The following POU6F2 variants were observed in gnomAD, a reference collection of about 807,000 sequenced individuals.
POU6F2 encodes POU domain, class 6, transcription factor 2.
A neutral mutation model predicts 71.3 loss-of-function variants in POU6F2; 31 were observed. That is an observed-to-expected ratio of 0.43 (90% confidence interval 0.33 to 0.59). POU6F2 has a LOEUF of 0.59. Ranked by LOEUF, POU6F2 falls within the 20% of genes least tolerant of loss-of-function variation. POU6F2 has a pLI of 0.04. For missense variants in POU6F2, 783 were observed against 856.8 expected (o/e 0.91, Z 1.07); for synonymous variants, 347 against 355.7 (o/e 0.98, Z 0.27).
chr7:39,094,454 A>T (rs1419818279), intron 2 of POU6F2, among the ~76,000 whole-genome samples: 1 of 152,062 alleles, frequency 6.6e-6, no homozygotes, highest in African/African-American at 2.4e-5. Flanking sequence ...ATAGTTATTA[A>T]GCACAATTTT....
intron 2 of POU6F2, among the ~76,000 whole-genome samples, chr7:39,194,466 C>A (rs577654602): frequency 6.6e-6 from 1 of 152,164 alleles, no homozygotes; most frequent in Non-Finnish European, 1.5e-5. Flanking sequence ...ATGCACCAAT[C>A]AGCGCTCTGT....
intron 4 of POU6F2, among the ~76,000 whole-genome samples, chr7:39,271,741 T>A (rs934205985): frequency 6.6e-6 from 1 of 152,134 alleles, no homozygotes; most frequent in African/African-American, 2.4e-5. Context: ...AAACATTATC[T>A]CTGCCAGGAG....
chr7:39,228,345 C>T (rs1794511284), intron 4 of POU6F2, among the ~76,000 whole-genome samples: 1 of 152,148 alleles, frequency 6.6e-6, no homozygotes, highest in Admixed American at 6.5e-5. Flanking sequence ...GGCCTATTGA[C>T]GCCATCCTTT....
At chr7:39,079,600 C>T (rs914581105) in intron 1 of POU6F2, among the ~76,000 whole-genome samples, 6 of 152,102 alleles carry the variant, frequency 3.9e-5, no homozygotes, top group Admixed American at 1.3e-4. Context: ...CCATGGGGTC[C>T]CCTCTTTAGT....
intron 2 of POU6F2, among the ~76,000 whole-genome samples, chr7:39,185,209 G>A (rs1202756841): frequency 1.3e-5 from 2 of 152,054 alleles, no homozygotes; most frequent in Non-Finnish European, 2.9e-5. Context: ...GATGGGTGGC[G>A]GGATGGGGGA....
intron 7 of POU6F2, 81 bp downstream of exon 7, chr7:39,433,364 A>C (rs542085784): frequency 6.7e-7 from 1 of 1,493,194 alleles, no homozygotes; most frequent in East Asian, 2.3e-5. Flanking sequence ...AATCAATGAA[A>C]AGTAACTTTT....
At chr7:38,981,739 T>A (rs1788321457) in intron 1 of POU6F2, among the ~76,000 whole-genome samples, 1 of 152,200 alleles carries the variant, frequency 6.6e-6, no homozygotes, top group Non-Finnish European at 1.5e-5. Flanking sequence ...CCCTTACTGG[T>A]ACAATGGGTC....
intron 7 of POU6F2, among the ~76,000 whole-genome samples, chr7:39,443,345 G>GGTAT: frequency 6.6e-6 from 1 of 152,300 alleles, no homozygotes; most frequent in South Asian, 2.1e-4. Flanking sequence ...GCACCTCTCA[G>GGTAT]GTATGTGCAC....
chr7:39,297,196 T>TACACACACACAC lies in POU6F2; in HGVS notation c.599-42416_599-42405dup, dbSNP rs61192418. On this transcript the variant is annotated intron_variant, in intron 4 of 9. Transcript: ENST00000518318. Reference sequence around the variant, plus strand: ...GGGTGTTTACAAACACACATACACATACACACACACACACACACACACACA... The same window carrying TACACACACACAC: ...GGGTGTTTACAAACACACATACACATACACACACACACACACACACACACACACACACACACA... Among the ~76,000 whole-genome samples the TACACACACACAC allele has an allele frequency of 2.7e-3, 371 of 139,090 alleles. 3 individuals are homozygous for TACACACACACAC. Among genetic ancestry groups the TACACACACACAC allele is most frequent in the Middle Eastern group, 0.018 (5 of 280 alleles). 91.2% of individuals were successfully genotyped at this position (139,090 alleles called of 152,430 possible).
chr7:39,015,653 A>AT (rs1294431457), intron 1 of POU6F2, among the ~76,000 whole-genome samples: 1 of 109,762 alleles, frequency 9.1e-6, no homozygotes, highest in Non-Finnish European at 1.7e-5. Context: ...ATATAGATAT[A>AT]TATTATATAT....
chr7:39,238,753 A>G (rs1450307332), intron 4 of POU6F2, among the ~76,000 whole-genome samples: 1 of 152,186 alleles, frequency 6.6e-6, no homozygotes, highest in Non-Finnish European at 1.5e-5. Context: ...AAGGTCTGAT[A>G]GTGAAGACTC....
chr7:39,125,821 C>T (rs1319002756), intron 2 of POU6F2, among the ~76,000 whole-genome samples: 2 of 152,180 alleles, frequency 1.3e-5, no homozygotes, highest in African/African-American at 2.4e-5. Flanking sequence ...AAACCTCCAC[C>T]TTCCATCCAC....
At chr7:39,313,273 T>A (rs1785202217) in intron 4 of POU6F2, among the ~76,000 whole-genome samples, 1 of 152,146 alleles carries the variant, frequency 6.6e-6, no homozygotes, top group African/African-American at 2.4e-5. Context: ...TGCCTCTGCC[T>A]CAAGGGTTCT....
chr7:39,464,862 G>A lies in POU6F2; in HGVS notation c.*176G>A, dbSNP rs926901085. ...CAAGTGGACAGAATGGTTTCTACAT[G>A]TCCGTTGGTTTTCCAAAAAGGAAAG... On this transcript the variant is annotated 3_prime_UTR_variant, in exon 10 of 10. Coordinates refer to ENST00000518318, the MANE Select transcript of POU6F2 (RefSeq NM_001370959.1). This position sits in a 1 kb window ranked among gnomAD's most constrained non-coding sequence, Gnocchi z 4.1. 4.9e-5 allele frequency: 44 copies of A among 890,698 alleles called. No homozygotes were observed. Among genetic ancestry groups the A allele is most frequent in the Middle Eastern group, 2.4e-4 (1 of 4,206 alleles). The allele number at this position is 890,698 out of a possible 1,614,324, so 55.2% of individuals were successfully genotyped here.
chr7:39,428,881 C>T (rs1788029690), intron 6 of POU6F2, among the ~76,000 whole-genome samples: 1 of 148,370 alleles, frequency 6.7e-6, no homozygotes, highest in Non-Finnish European at 1.5e-5. Context: ...AACCAAACAC[C>T]GCATGTTCTC....
At position 39,413,985 on chromosome 7, in the gene POU6F2, G is replaced by A. The variant is rs141040872; in HGVS notation, c.1113+7245G>A. On this transcript the variant is annotated intron_variant, in intron 6 of 9. Coordinates refer to ENST00000518318, the MANE Select transcript of POU6F2 (RefSeq NM_001370959.1). Reference sequence around the variant, plus strand: ...ACGGTCCCCTGGTCCGAGGAGCCGGGCAGCGCCGCGCAGCCGTCTCGCGTG... The same window carrying A: ...ACGGTCCCCTGGTCCGAGGAGCCGGACAGCGCCGCGCAGCCGTCTCGCGTG... 5.1e-4 allele frequency among the ~76,000 whole-genome samples: 78 copies of A among 152,294 alleles called. 1 individual carries two copies. In the East Asian group the frequency reaches 0.014, roughly 28 times the overall value.
At chr7:39,028,963 G>T (rs1297372354) in intron 1 of POU6F2, among the ~76,000 whole-genome samples, 1 of 151,926 alleles carries the variant, frequency 6.6e-6, no homozygotes, top group Non-Finnish European at 1.5e-5. Context: ...CTATAGCTGG[G>T]ACTATAGGCA....
chr7:39,384,505 A>C (rs1384790430), intron 5 of POU6F2, among the ~76,000 whole-genome samples: 2 of 152,210 alleles, frequency 1.3e-5, no homozygotes, highest in Non-Finnish European at 2.9e-5. Flanking sequence ...TTTTTAACCA[A>C]AGTAAACAAA....
chr7:39,434,988 A>G (rs2116040340), intron 7 of POU6F2, among the ~76,000 whole-genome samples: 1 of 152,316 alleles, frequency 6.6e-6, no homozygotes, highest in Non-Finnish European at 1.5e-5. Flanking sequence ...GCAGCATAGT[A>G]TTCCATGGTG....
Sources: allele counts gnomAD v4.1 joint callset (sites outside exome capture counted in the v4.1 genomes callset), GRCh38; gene constraint gnomAD v4.1.1; non-coding constraint Gnocchi (gnomAD v3.1); transcripts MANE v1.5; gene names NCBI Gene and HGNC (gene_info 2026-07-23, HGNC 2026-07-21).